Variants in UNC80 observed in about 807,000 individuals in gnomAD.
UNC80 encodes the protein protein unc-80 homolog.
In UNC80, 164 loss-of-function variants were observed where a neutral mutation model predicts 384.6. The ratio of observed to expected loss-of-function variants is 0.43; its 90% CI spans 0.38 to 0.49. The LOEUF (loss-of-function observed/expected upper bound fraction) is 0.49. Ranked by LOEUF, UNC80 falls within the 20% of genes least tolerant of loss-of-function variation. The probability of loss-of-function intolerance (pLI) is 0.00; values close to 1 mark genes in which losing one functional copy is unlikely to be tolerated. For synonymous variants in UNC80, 1,486 were observed against 1,527.8 expected, an observed-to-expected ratio of 0.97 and a Z score of 0.64; for missense variants, 3,330 against 4,143.0, an observed-to-expected ratio of 0.80 and a Z score of 5.39.
chr2:209,820,778 G>A (rs1473925500), intron 13 of UNC80, 99 bp downstream of exon 13: 7 of 1,336,312 alleles, frequency 5.2e-6, no homozygotes, highest in African/African-American at 3.0e-5. Context: ...ACAGCACCTA[G>A]TCACTAGAGC....
intron 33 of UNC80, among the ~76,000 whole-genome samples, chr2:209,921,198 T>A (rs1426039741): frequency 6.6e-6 from 1 of 152,212 alleles, no homozygotes; most frequent in Non-Finnish European, 1.5e-5. Context: ...AAATTTTATT[T>A]GATCATAATA....
chr2:209,906,096 A>G (rs564607629), intron 29 of UNC80, among the ~76,000 whole-genome samples: 1 of 152,330 alleles, frequency 6.6e-6, no homozygotes, highest in South Asian at 2.1e-4. Flanking sequence ...GAAGCAGAAA[A>G]TCTTTCTAAG....
Position 209,957,662 on chromosome 2 carries a change from G to C in UNC80, c.7476G>C (p.Gln2492His), listed in dbSNP as rs1292128559. 2.6e-6 allele frequency: 4 copies of C among 1,551,430 alleles called. No homozygotes were observed. Among genetic ancestry groups the C allele is most frequent in the Non-Finnish European group, 2.6e-6 (3 of 1,146,820 alleles). The change falls in exon 49 of 65, where the codon CAG (glutamine) becomes CAC (histidine). Residue 2492 changes from glutamine (Q) to histidine (H), a missense_variant. Around this residue, in one of 8 missense-constraint regions of UNC80, gnomAD observed 1,049 missense variants for 1,488.6 expected, o/e 0.70. Coordinates refer to ENST00000673920, the MANE Select transcript of UNC80 (RefSeq NM_001371986.1). ...GTTACAGGCCCATGACAGCCCCACA[G>C]ATGAGCAGGTGTGACCAAGGTCATA... ...EVLTRPMTAPQMSRCDQGHKG... is the reference protein window; with the variant it reads ...EVLTRPMTAPHMSRCDQGHKG...
intron 16 of UNC80, among the ~76,000 whole-genome samples, chr2:209,831,915 A>G (rs985353882): frequency 6.6e-6 from 1 of 152,226 alleles, no homozygotes; most frequent in African/African-American, 2.4e-5. Flanking sequence ...CTCGTAAAAT[A>G]CTAAAGAATG....
chr2:209,819,896 G>C (rs1195884428), intron 12 of UNC80, among the ~76,000 whole-genome samples: 1 of 152,066 alleles, frequency 6.6e-6, no homozygotes, highest in Non-Finnish European at 1.5e-5. Context: ...CGAGCAAAAG[G>C]AAATCATTGT....
intron 7 of UNC80, among the ~76,000 whole-genome samples, chr2:209,798,844 ATTTTTTTT>A (rs1167727452): frequency 1.6e-5 from 2 of 126,642 alleles, no homozygotes; most frequent in African/African-American, 5.9e-5. Flanking sequence ...AGCCTGGCTA[ATTTTTTTT>A]TTTTTTTTTT....
chr2:209,779,586 G>A (rs1227158507), intron 4 of UNC80, among the ~76,000 whole-genome samples: 1 of 152,322 alleles, frequency 6.6e-6, no homozygotes, highest in South Asian at 2.1e-4. Context: ...AGTGAAGGGA[G>A]TCTGCCTGTC....
chr2:209,996,735 C>CACCTA lies in UNC80; in HGVS notation c.*1141_*1145dup, dbSNP rs2093489150. 6.6e-6 allele frequency: 1 copy of CACCTA among 152,166 alleles called. No individual in the cohort carries two copies. Among genetic ancestry groups the CACCTA allele is most frequent in the Non-Finnish European group, 1.5e-5 (1 of 68,016 alleles). 9.4% of individuals were successfully genotyped at this position (152,166 alleles called of 1,614,324 possible). ...ACACTTAGAAGGCTTGTGAGGCCAA[C>CACCTA]ACCTAGTGTGTTACTGATCCTATGG... On this transcript the variant is annotated 3_prime_UTR_variant, in exon 65 of 65. Transcript: ENST00000673920.
intron 11 of UNC80, 69 bp downstream of exon 11, chr2:209,818,021 G>A (rs2079869270): frequency 2.0e-6 from 3 of 1,505,438 alleles, no homozygotes; most frequent in South Asian, 1.3e-5. Flanking sequence ...CTTACACCAT[G>A]TTACTTTCCC....
intron 21 of UNC80, among the ~76,000 whole-genome samples, chr2:209,845,606 C>G (rs1285418661): frequency 1.3e-5 from 2 of 152,050 alleles, no homozygotes; most frequent in Non-Finnish European, 2.9e-5. Context: ...TCAACAATAC[C>G]TGAAATGCAG....
chr2:209,896,790 G>A (rs776679296), intron 28 of UNC80, among the ~76,000 whole-genome samples: 11 of 152,088 alleles, frequency 7.2e-5, no homozygotes, highest in Non-Finnish European at 1.5e-4. Context: ...TCTTGGGTGT[G>A]TATTAGATCA....
At chr2:209,809,574 TCG>T in intron 7 of UNC80, 1 of 829,164 alleles carries the variant, frequency 1.2e-6, no homozygotes, top group Non-Finnish European at 2.0e-6. Context: ...CAGGGGGCCC[TCG>T]CTGACCCTAG....
chr2:209,988,563 C>A (rs1033837605), intron 61 of UNC80, among the ~76,000 whole-genome samples: 2 of 151,924 alleles, frequency 1.3e-5, no homozygotes, highest in Non-Finnish European at 2.9e-5. Context: ...TAAAATATAT[C>A]CTTTATGCAC....
At chr2:209,946,004 T>A in intron 47 of UNC80, 61 bp downstream of exon 47, 1 of 1,163,254 alleles carries the variant, frequency 8.6e-7, no homozygotes, top group Non-Finnish European at 1.2e-6. Context: ...AAAATAAAAT[T>A]GAATGAATAC....
At chr2:209,852,862 G>T (rs1206032621) in intron 22 of UNC80, among the ~76,000 whole-genome samples, 4 of 151,974 alleles carry the variant, frequency 2.6e-5, no homozygotes. Flanking sequence ...GAATGCCTCA[G>T]TTTTTAAGTA....
Position 209,935,683 on chromosome 2 carries a change from G to T in UNC80, c.6179-31G>T, listed in dbSNP as rs370247673. ...AAAATACAAATTTTCTATAGTAAAA[G>T]TCAGTTTGTTATTATTTTTATCATC... On this transcript the variant is annotated intron_variant, in intron 39 of 64. Coordinates refer to ENST00000673920, the MANE Select transcript of UNC80 (RefSeq NM_001371986.1). 374 of 1,224,230 alleles carry T rather than the reference G, an allele frequency of 3.1e-4. No individual in the cohort carries two copies. The African/African-American group carries it at 4.6e-3, about 15-fold the overall frequency. 75.8% of individuals were successfully genotyped at this position (1,224,230 alleles called of 1,614,324 possible).
intron 24 of UNC80, among the ~76,000 whole-genome samples, chr2:209,879,335 A>G (rs540048145): frequency 7.2e-5 from 11 of 152,326 alleles, no homozygotes; most frequent in Admixed American, 2.0e-4. Context: ...TTGAAGCAAC[A>G]TTAAATGCGT....
chr2:209,918,758 A>G (rs907379524), intron 33 of UNC80, 95 bp downstream of exon 33: 3 of 1,326,042 alleles, frequency 2.3e-6, no homozygotes, highest in African/African-American at 1.5e-5. Flanking sequence ...TAAGAATGTA[A>G]TAATAACACA....
Position 209,842,407 on chromosome 2 carries a change from A to G in UNC80, c.3415A>G (p.Asn1139Asp). The G allele has an allele frequency of 6.4e-7, 1 of 1,551,298 alleles. No individual in the cohort carries two copies. Among genetic ancestry groups the G allele is most frequent in the Non-Finnish European group, 8.7e-7 (1 of 1,146,708 alleles). ...SEGGPGSGME[N>D]GRDEEENFFK... ...AGGTGGGCCAGGAAGTGGCATGGAA[A>G]ATGGAAGAGATGAAGAGGAGAATTT... is the stretch of plus-strand genomic sequence containing the variant. The change falls in exon 21 of 65, where the codon AAT becomes GAT. Residue 1139 changes from asparagine (N) to aspartate (D), a missense_variant. Around this residue, in one of 8 missense-constraint regions of UNC80, gnomAD observed 801 missense variants for 950.8 expected, o/e 0.84. Coordinates refer to ENST00000673920, the MANE Select transcript of UNC80 (RefSeq NM_001371986.1).
Sources: gnomAD v4.1 joint callset for allele counts (sites outside exome capture counted in the v4.1 genomes callset) on GRCh38, gnomAD v4.1.1 for gene constraint, gnomAD v4.1.1 regional missense constraint, MANE v1.5 for transcripts, NCBI Gene and HGNC (gene_info 2026-07-23, HGNC 2026-07-21) for gene names.